The following PLCE1 variants were observed in gnomAD, a reference collection of about 807,000 sequenced individuals.
PLCE1 encodes the protein phospholipase C epsilon 1.
PLCE1 carries 119 observed loss-of-function variants against 242.8 expected under a neutral mutation model. That is an observed-to-expected ratio of 0.49 (90% CI 0.42 to 0.57). The LOEUF (loss-of-function observed/expected upper bound fraction) is 0.57. PLCE1 is among the 20% of genes least tolerant of loss of function. The pLI is 0.00. For missense variants in PLCE1, 2,441 were observed against 2,788.8 expected, an observed-to-expected ratio of 0.88 and a Z score of 2.81; for synonymous variants, 945 against 1,017.4, an observed-to-expected ratio of 0.93 and a Z score of 1.35.
chr10:94,203,968 A>G (rs1232125953), intron 4 of PLCE1, among the ~76,000 whole-genome samples: 1 of 152,246 alleles, frequency 6.6e-6, no homozygotes, highest in African/African-American at 2.4e-5. Context: ...TAGCAAAGGC[A>G]ACCTCTTGGG....
Position 94,175,190 on chromosome 10 carries a change from G to T in PLCE1, c.1809+3694G>T, listed in dbSNP as rs1314130197. On this transcript the variant is annotated intron_variant, in intron 4 of 32. Transcript: ENST00000371380. ...TGCTTCTCTCTTGTTAAATTATCAG[G>T]TTCAAGTCTGTAGTAAAACCTGACT... Among the ~76,000 whole-genome samples the T allele has an allele frequency of 3.9e-5, 6 of 152,068 alleles. No homozygotes were observed. In the South Asian group the frequency reaches 1.2e-3, roughly 32 times the overall value.
intron 2 of PLCE1, among the ~76,000 whole-genome samples, chr10:94,102,303 C>T (rs936426225): frequency 2.0e-5 from 3 of 152,182 alleles, no homozygotes; most frequent in African/African-American, 7.2e-5. Flanking sequence ...TGAGGAACCA[C>T]ACCCAAGTGT....
chr10:94,310,909 A>G (rs1424387315), intron 27 of PLCE1, among the ~76,000 whole-genome samples: 1 of 152,188 alleles, frequency 6.6e-6, no homozygotes, highest in Non-Finnish European at 1.5e-5. Flanking sequence ...CAGAAGTCCC[A>G]GGTTGTCACC....
At chr10:94,141,522 AGG>A (rs2046955096) in intron 3 of PLCE1, among the ~76,000 whole-genome samples, 1 of 48,382 alleles carries the variant, frequency 2.1e-5, no homozygotes, top group African/African-American at 6.0e-5. Flanking sequence ...GGTGAAGGGA[AGG>A]CTAAGGGAAG....
rs1261819682 is a variant in PLCE1 at position 94,160,315 on chromosome 10, C to T, written c.1493-10865C>T. 5.9e-5 allele frequency among the ~76,000 whole-genome samples: 9 copies of T among 152,288 alleles called. No individual in the cohort carries two copies. In the East Asian group the frequency reaches 1.5e-3, roughly 26 times the overall value. ...GACTTTTTAATGATTGCCATTCTAA[C>T]TGGTATGAGATGGTATCTCATTGTG... On this transcript the variant is annotated intron_variant, in intron 3 of 32. Transcript: ENST00000371380.
chr10:94,137,149 C>T (rs1027211924), intron 3 of PLCE1, among the ~76,000 whole-genome samples: 5 of 152,012 alleles, frequency 3.3e-5, no homozygotes, highest in South Asian at 2.1e-4. Context: ...GCCAAGATCA[C>T]GCCACTGCAC....
At position 94,308,635 on chromosome 10, in the gene PLCE1, G is replaced by C; in HGVS notation, c.5939G>C (p.Ser1980Thr). ...NLHNEVLEIS[S>T]LFINSRRMEE... is the part of the protein sequence containing the mutation. ...CACAATGAAGTCTTGGAGATTTCTA[G>C]TTTATTCATTAACAGCAGAAGGATG... The change falls in exon 27 of 33, where the codon AGT (serine) becomes ACT (threonine). Residue 1980 changes from serine to threonine, a missense_variant. Coordinates refer to ENST00000371380, the MANE Select transcript of PLCE1 (RefSeq NM_016341.4). 6.2e-7 allele frequency: 1 copy of C among 1,613,740 alleles called. No individual in the cohort carries two copies. Among genetic ancestry groups the C allele is most frequent in the Middle Eastern group, 1.7e-4 (1 of 6,060 alleles).
intron 4 of PLCE1, among the ~76,000 whole-genome samples, chr10:94,205,062 T>C (rs2049114495): frequency 6.6e-6 from 1 of 152,206 alleles, no homozygotes; most frequent in Non-Finnish European, 1.5e-5. Context: ...GGTATGACTT[T>C]TAAGATGTTT....
chr10:94,209,883 T>G (rs2049277669), intron 4 of PLCE1, among the ~76,000 whole-genome samples: 1 of 152,224 alleles, frequency 6.6e-6, no homozygotes, highest in Non-Finnish European at 1.5e-5. Context: ...ATTATGTCCT[T>G]TAGTCCCACA....
chr10:94,257,544 G>A (rs2051142737), intron 11 of PLCE1, among the ~76,000 whole-genome samples: 1 of 152,174 alleles, frequency 6.6e-6, no homozygotes, highest in South Asian at 2.1e-4. Context: ...TGATAGACTG[G>A]ATTAAGAAAA....
intron 18 of PLCE1, 113 bp from the exon 19 acceptor site, chr10:94,273,449 C>T: frequency 9.3e-7 from 1 of 1,075,758 alleles, no homozygotes; most frequent in Non-Finnish European, 1.4e-6. Flanking sequence ...CTTCCTAAGA[C>T]TTTTTAAATA....
chr10:94,284,856 T>C lies in PLCE1; in HGVS notation c.4926T>C (p.Asp1642=). Reference sequence around the variant, plus strand: ...CATTTTTCCCTTACCAGGTTTATGATATGGAACTGGGAGAAGAATTTTATC... The same window carrying C: ...CATTTTTCCCTTACCAGGTTTATGACATGGAACTGGGAGAAGAATTTTATC... The part of the protein sequence containing the change: ...NSACNKGKVY[D]MELGEEFYLD... The change falls in exon 22 of 33, where the codon GAT becomes GAC. Residue 1642 remains aspartate, a synonymous_variant. Coordinates refer to ENST00000371380, the MANE Select transcript of PLCE1 (RefSeq NM_016341.4). 6.4e-7 allele frequency: 1 copy of C among 1,574,676 alleles called. No individual in the cohort carries two copies. Among genetic ancestry groups the C allele is most frequent in the Non-Finnish European group, 8.7e-7 (1 of 1,144,102 alleles).
At chr10:94,028,325 T>C (rs2061491722) in intron 1 of PLCE1, among the ~76,000 whole-genome samples, 1 of 152,178 alleles carries the variant, frequency 6.6e-6, no homozygotes, top group Admixed American at 6.5e-5. Context: ...GCTTCCAAGA[T>C]GGCGCACTCA....
intron 30 of PLCE1, among the ~76,000 whole-genome samples, chr10:94,322,864 G>A (rs2051478207): frequency 6.6e-6 from 1 of 152,126 alleles, no homozygotes; most frequent in Non-Finnish European, 1.5e-5. Context: ...GCTGAGATAG[G>A]AGGATCGCTT....
intron 4 of PLCE1, among the ~76,000 whole-genome samples, chr10:94,206,724 T>G (rs1338692909): frequency 3.3e-5 from 5 of 152,222 alleles, no homozygotes; most frequent in African/African-American, 1.2e-4. Context: ...GCCAGTGGTG[T>G]TGACATGCTG....
At chr10:94,171,108 G>T in intron 3 of PLCE1, 72 bp from the exon 4 acceptor site, 3 of 1,205,576 alleles carry the variant, frequency 2.5e-6, no homozygotes, top group East Asian at 2.3e-5. Context: ...ATTTGGAATG[G>T]CTCTCAAGTA....
chr10:94,253,583 G>A (rs2050958725), intron 9 of PLCE1, among the ~76,000 whole-genome samples: 1 of 152,056 alleles, frequency 6.6e-6, no homozygotes, highest in Admixed American at 6.6e-5. Context: ...TCGAACTCCA[G>A]GCCTTAAGTA....
At position 94,251,122 on chromosome 10, in the gene PLCE1, G is replaced by A. The variant is rs1734728670; in HGVS notation, c.3097-1194G>A. The stretch of plus-strand genomic sequence containing the variant: ...GACACACCCATCGAGACTATATCCA[G>A]TGGAGAATAGACAGTTAAAGTAAAA... On this transcript the variant is annotated intron_variant, in intron 8 of 32. Transcript: ENST00000371380. Among the ~76,000 whole-genome samples the A allele has an allele frequency of 2.0e-5, 3 of 152,294 alleles. No individual in the cohort carries two copies. In the South Asian group the frequency reaches 6.2e-4, roughly 32 times the overall value.
chr10:94,088,513 A>G (rs1564675771), intron 2 of PLCE1, among the ~76,000 whole-genome samples: 2 of 152,242 alleles, frequency 1.3e-5, no homozygotes, highest in South Asian at 2.1e-4. Context: ...GCAGTTGCCC[A>G]TCAATAATAG....
Sources: gnomAD v4.1 joint callset for allele counts (sites outside exome capture counted in the v4.1 genomes callset) on GRCh38, gnomAD v4.1.1 for gene constraint, MANE v1.5 for transcripts, NCBI Gene and HGNC (gene_info 2026-07-23, HGNC 2026-07-21) for gene names.